The following BBX variants were observed in gnomAD, a reference collection of about 807,000 sequenced individuals.
BBX encodes the protein BBX high mobility group box domain containing, also known as HMG box transcription factor BBX.
Under a neutral mutation model 100.2 loss-of-function variants are expected in BBX, and 30 were observed. The ratio of observed to expected loss-of-function variants is 0.30; its 90% confidence interval spans 0.22 to 0.41. The LOEUF (loss-of-function observed/expected upper bound fraction) is 0.41. Ranked by LOEUF, BBX falls within the 10% of genes least tolerant of loss-of-function variation. The pLI, the probability that BBX is intolerant of heterozygous loss-of-function variation, is 1.00. For synonymous variants in BBX, 376 were observed against 388.1 expected (o/e 0.97, Z 0.37); for missense variants, 1,023 against 1,129.8 (o/e 0.91, Z 1.35).
At position 107,654,466 on chromosome 3, in the gene BBX, A is replaced by C. The variant is rs1215643552; in HGVS notation, c.-10+8557A>C. Among the ~76,000 whole-genome samples, 6 of 152,102 alleles carry C rather than the reference A, an allele frequency of 3.9e-5. 1 individual carries two copies. In the South Asian group the frequency reaches 1.2e-3, roughly 31 times the overall value. On this transcript the variant is annotated intron_variant, in intron 3 of 17. Transcript: ENST00000325805. ...TTTTACTGGCTTTCTGCTATAATAG[A>C]ATATTTTATACATTGGAGTTTATTA...
intron 2 of BBX, among the ~76,000 whole-genome samples, chr3:107,598,356 G>A (rs1427415450): frequency 6.6e-6 from 1 of 152,120 alleles, no homozygotes; most frequent in African/African-American, 2.4e-5. Flanking sequence ...CTAATTCTCT[G>A]TAAGTTTTCC....
chr3:107,567,186 C>T (rs1576332485), intron 2 of BBX, among the ~76,000 whole-genome samples: 2 of 152,092 alleles, frequency 1.3e-5, no homozygotes, highest in East Asian at 3.8e-4. Context: ...GGCTGCTGTG[C>T]AGCCATTCTC....
intron 3 of BBX, among the ~76,000 whole-genome samples, chr3:107,702,266 T>C (rs1249757272): frequency 1.3e-5 from 2 of 152,190 alleles, no homozygotes; most frequent in African/African-American, 4.8e-5. Context: ...ATAATGAAAG[T>C]CATTGACAAA....
intron 4 of BBX, among the ~76,000 whole-genome samples, chr3:107,713,967 C>CTTTTTTTTTTTTTTTTTTTTTTTTT (rs569427270): frequency 1.2e-5 from 1 of 82,282 alleles, no homozygotes; most frequent in Non-Finnish European, 2.6e-5. Flanking sequence ...TAATTTTTTT[C>CTTTTTTTTTTTTTTTTTTTTTTTTT]TTTTTTTTTT....
intron 2 of BBX, among the ~76,000 whole-genome samples, chr3:107,540,152 C>G (rs956384350): frequency 1.3e-5 from 2 of 152,156 alleles, no homozygotes; most frequent in African/African-American, 4.8e-5. Context: ...AGGGATCTGG[C>G]AGAGGCCATA....
intron 2 of BBX, among the ~76,000 whole-genome samples, chr3:107,581,474 A>G (rs1276093708): frequency 6.6e-6 from 1 of 151,492 alleles, no homozygotes; most frequent in Admixed American, 6.6e-5. Flanking sequence ...AAGAGACTAT[A>G]TTTTCTTCTA....
intron 13 of BBX, among the ~76,000 whole-genome samples, chr3:107,779,566 G>A (rs1457478172): frequency 6.6e-6 from 1 of 152,040 alleles, no homozygotes; most frequent in Non-Finnish European, 1.5e-5. Flanking sequence ...TCCTGTAAAA[G>A]TTGCTGCCTA....
chr3:107,546,940 TGTTA>T (rs147347659), intron 2 of BBX, among the ~76,000 whole-genome samples: 18,506 of 152,206 alleles, frequency 0.12, 1,405 homozygotes, highest in Middle Eastern at 0.19. Context: ...ATAACTGTTC[TGTTA>T]GTTTATTTAT....
chr3:107,780,200 T>A (rs914165076), intron 13 of BBX, among the ~76,000 whole-genome samples: 5 of 152,060 alleles, frequency 3.3e-5, no homozygotes, highest in African/African-American at 1.2e-4. Flanking sequence ...TGAGCTCCCA[T>A]AATTCTTGGA....
rs1329577363 is a variant in BBX, at chr3:107,587,345, CA to C, written c.-83-58473del. ...CTGGTTGACTGAGAGACCCTGTCTC[CA>C]AAAAAAAAAAAAAAAAAGGAGTGAA... On this transcript the variant is annotated intron_variant, in intron 2 of 17. Transcript: ENST00000325805. Among the ~76,000 whole-genome samples the C allele has an allele frequency of 3.3e-3, 311 of 93,840 alleles. 1 individual carries two copies. The East Asian group carries it at 0.046, about 14-fold the overall frequency. The allele number at this position is 93,840 out of a possible 152,430, so 61.6% of individuals were successfully genotyped here.
At chr3:107,692,768 G>A (rs199851227) in intron 3 of BBX, among the ~76,000 whole-genome samples, 30,964 of 145,738 alleles carry the variant, frequency 0.21, 4,414 homozygotes, top group East Asian at 0.83. Context: ...CTGAGGAATC[G>A]CCACGCTGAC....
intron 2 of BBX, among the ~76,000 whole-genome samples, chr3:107,617,961 T>A (rs970241066): frequency 1.3e-5 from 2 of 152,040 alleles, no homozygotes; most frequent in Non-Finnish European, 2.9e-5. Context: ...TGTTCCTGAT[T>A]TTAGGAAAAA....
intron 2 of BBX, among the ~76,000 whole-genome samples, chr3:107,588,412 T>C (rs1199523273): frequency 1.3e-5 from 2 of 152,042 alleles, no homozygotes; most frequent in Non-Finnish European, 2.9e-5. Context: ...CCAGCCTGGA[T>C]TGAGTAACCA....
chr3:107,749,040 C>A (rs2064852371), intron 9 of BBX, among the ~76,000 whole-genome samples: 1 of 151,714 alleles, frequency 6.6e-6, no homozygotes, highest in Non-Finnish European at 1.5e-5. Flanking sequence ...CTCGTGTCAA[C>A]TACTATGACT....
Position 107,526,359 on chromosome 3 carries a change from T to A in BBX, c.-123T>A, listed in dbSNP as rs1180748244. 1 of 398,582 alleles carries A rather than the reference T, an allele frequency of 2.5e-6. No homozygotes were observed. The highest frequency in any genetic ancestry group is 2.1e-5 in the African/African-American group (1 of 48,638). 24.7% of individuals were successfully genotyped at this position (398,582 alleles called of 1,614,324 possible). ...TCATATGACAAAGGCTTTGCCGCAG[T>A]TCATCTTCCTCCCTGTGTACTTTCC... is the stretch of plus-strand genomic sequence containing the variant. On this transcript the variant is annotated 5_prime_UTR_variant, in exon 2 of 18. Transcript: ENST00000325805.
rs1352870891 is a variant in BBX at position 107,773,720 on chromosome 3, A to G, written c.1915+84A>G. On this transcript the variant is annotated intron_variant, in intron 11 of 17. Coordinates refer to ENST00000325805, the MANE Select transcript of BBX (RefSeq NM_001142568.3). This position sits in a 1 kb window ranked among gnomAD's most constrained non-coding sequence, Gnocchi z 4.1. ...GACCTATTGAAAACAACTGCCATAA[A>G]AAACAATATGGTATCAAAATAATAC... The G allele has an allele frequency of 3.3e-6, 4 of 1,201,710 alleles. No homozygotes were observed. In the East Asian group the frequency reaches 9.9e-5, roughly 30 times the overall value. 74.4% of individuals were successfully genotyped at this position (1,201,710 alleles called of 1,614,324 possible). A position where few individuals can be genotyped will look rare whatever the true frequency, so the allele number is the denominator to read the frequency against.
At chr3:107,706,033 T>TG (rs2061376021) in intron 3 of BBX, among the ~76,000 whole-genome samples, 1 of 150,538 alleles carries the variant, frequency 6.6e-6, no homozygotes, top group Non-Finnish European at 1.5e-5. Context: ...TTTTTTTTTT[T>TG]TTTTTTTTGA....
chr3:107,529,042 GA>G (rs2047975474), intron 2 of BBX, among the ~76,000 whole-genome samples: 1 of 152,106 alleles, frequency 6.6e-6, no homozygotes, highest in Admixed American at 6.5e-5. Context: ...AGAACTTTTT[GA>G]AAACAGTTCC....
intron 15 of BBX, among the ~76,000 whole-genome samples, chr3:107,792,243 A>AT (rs1301393853): frequency 6.6e-6 from 1 of 152,160 alleles, no homozygotes; most frequent in African/African-American, 2.4e-5. Flanking sequence ...AAGAGCTGAC[A>AT]TTTTTGTAGG....
Sources: gnomAD v4.1 joint callset for allele counts (sites outside exome capture counted in the v4.1 genomes callset) on GRCh38, gnomAD v4.1.1 for gene constraint, Gnocchi (gnomAD v3.1) non-coding constraint, MANE v1.5 for transcripts, NCBI Gene and HGNC (gene_info 2026-07-23, HGNC 2026-07-21) for gene names.